Variants in SLC25A44 observed in about 807,000 individuals in gnomAD.
The protein encoded by SLC25A44 is solute carrier family 25, member 44.
A neutral mutation model predicts 29.9 loss-of-function variants in SLC25A44; 17 were observed. The observed-to-expected ratio is 0.57, with a 90% CI of 0.39 to 0.85. The LOEUF is 0.85. Among genes scored for constraint, SLC25A44 ranks in the 40% least tolerant of loss-of-function variants. The pLI is 0.00. For synonymous variants in SLC25A44, 140 were observed against 151.8 expected, an observed-to-expected ratio of 0.92 and a Z score of 0.57; for missense variants, 302 against 398.4, an observed-to-expected ratio of 0.76 and a Z score of 2.06.
At position 156,200,453 on chromosome 1, in the gene SLC25A44, C is replaced by G; in HGVS notation, c.606C>G (p.Pro202=). 6.2e-7 allele frequency: 1 copy of G among 1,608,500 alleles called. No homozygotes were observed. The highest frequency in any genetic ancestry group is 8.5e-7 in the Non-Finnish European group (1 of 1,177,276). ...TYIPNSAVWW[P]FYHFYAEQLS... is the part of the protein sequence containing the mutation. ...TCCCAAACAGTGCTGTCTGGTGGCC[C>G]TTCTATCACTTCTATGCAGGTAAGC... Residue 202 remains proline (P), a synonymous_variant, in exon 2 of 4, where the codon CCC becomes CCG. Transcript: ENST00000359511.
At chr1:156,201,113 A>T (rs1656551701) in intron 2 of SLC25A44, among the ~76,000 whole-genome samples, 1 of 151,948 alleles carries the variant, frequency 6.6e-6, no homozygotes. Flanking sequence ...GGATTACAGG[A>T]GTGAGACACC....
intron 2 of SLC25A44, among the ~76,000 whole-genome samples, chr1:156,207,164 T>C (rs1354654766): frequency 1.3e-5 from 2 of 150,288 alleles, no homozygotes; most frequent in African/African-American, 2.4e-5. Flanking sequence ...ATAGTGAGAC[T>C]CTCTATACAA....
chr1:156,205,137 G>A (rs892393635), intron 2 of SLC25A44, among the ~76,000 whole-genome samples: 6 of 151,592 alleles, frequency 4.0e-5, no homozygotes. Context: ...TCCACCTCCC[G>A]GGTTCAAGCG....
intron 2 of SLC25A44, among the ~76,000 whole-genome samples, chr1:156,207,423 C>T (rs111714999): frequency 1.0e-3 from 158 of 152,302 alleles, no homozygotes; most frequent in Non-Finnish European, 2.0e-3. Context: ...TCATGATCTG[C>T]CCGCCTTGGC....
At position 156,210,520 on chromosome 1, in the gene SLC25A44, CA is replaced by C; in HGVS notation, c.*90del. The C allele has an allele frequency of 1.1e-6, 1 of 945,240 alleles. No homozygotes were observed. 58.6% of individuals were successfully genotyped at this position (945,240 alleles called of 1,614,324 possible). On this transcript the variant is annotated 3_prime_UTR_variant, in exon 4 of 4. Transcript: ENST00000359511. ...GGACAGCACCCTCTCCAGGTGCTCC[CA>C]CCACACACCCAGCCCTGCCCTGGGC...
At position 156,212,534 on chromosome 1, in the gene SLC25A44, G is replaced by A. The variant is rs1324897609; in HGVS notation, c.*2103G>A. 1 of 157,510 alleles carries A rather than the reference G, an allele frequency of 6.3e-6. No homozygotes were observed. The highest frequency in any genetic ancestry group is 2.4e-5 in the African/African-American group (1 of 41,466). 9.8% of individuals were successfully genotyped at this position (157,510 alleles called of 1,614,324 possible). A position where few individuals can be genotyped will look rare whatever the true frequency, so the allele number is the denominator to read the frequency against. On this transcript the variant is annotated 3_prime_UTR_variant, in exon 4 of 4. Coordinates refer to ENST00000359511, the MANE Select transcript of SLC25A44 (RefSeq NM_014655.4). Reference sequence around the variant, plus strand: ...CCTAATTCTTTAGGGACTGGGATTGGGTTTGACTGAAATATGTTTTGGTGG... The same window carrying A: ...CCTAATTCTTTAGGGACTGGGATTGAGTTTGACTGAAATATGTTTTGGTGG...
chr1:156,203,829 G>A (rs768590790), intron 2 of SLC25A44, among the ~76,000 whole-genome samples: 5 of 148,674 alleles, frequency 3.4e-5, no homozygotes, highest in East Asian at 2.0e-4. Context: ...TCAGCCTCCC[G>A]AGTAGCTGGG....
chr1:156,200,079 C>T lies in SLC25A44; in HGVS notation c.232C>T (p.Leu78=). The change falls in exon 2 of 4, where the codon CTG becomes TTG. Residue 78 remains leucine (L), a synonymous_variant. Transcript: ENST00000359511. ...TATCACTGGCCTCTACCGAGGGTTCCTGGTCAATACCTTCACCCTCATCTC... is the reference window on the plus strand; with the variant it reads ...TATCACTGGCCTCTACCGAGGGTTCTTGGTCAATACCTTCACCCTCATCTC... ...DGITGLYRGF[L]VNTFTLISGQ... is the part of the protein sequence containing the mutation. The T allele has an allele frequency of 6.2e-7, 1 of 1,614,176 alleles. No individual in the cohort carries two copies. Among genetic ancestry groups the T allele is most frequent in the Non-Finnish European group, 8.5e-7 (1 of 1,180,028 alleles).
Position 156,211,121 on chromosome 1 carries a change from G to A in SLC25A44, c.*690G>A, listed in dbSNP as rs969887357. ...GTGTGTTTTAACATCTGTGAACCAG[G>A]CTATTAGTCCTGCTAAAGCGCCAAT... is the stretch of plus-strand genomic sequence containing the variant. On this transcript the variant is annotated 3_prime_UTR_variant, in exon 4 of 4. Transcript: ENST00000359511. 14 of 143,990 alleles carry A rather than the reference G, an allele frequency of 9.7e-5. No homozygotes were observed. Among genetic ancestry groups the A allele is most frequent in the African/African-American group, 3.6e-4 (14 of 38,532 alleles). 8.9% of individuals were successfully genotyped at this position (143,990 alleles called of 1,614,324 possible).
chr1:156,207,178 A>AT (rs566114688), intron 2 of SLC25A44, among the ~76,000 whole-genome samples: 2,173 of 136,060 alleles, frequency 0.016, 62 homozygotes, highest in African/African-American at 0.051. Context: ...TATACAAAAC[A>AT]TTTTTTTTTT....
rs968954342 is a variant in SLC25A44 at position 156,194,729 on chromosome 1, T to C, written c.-14+482T>C. Among the ~76,000 whole-genome samples the C allele has an allele frequency of 2.0e-5, 3 of 152,176 alleles. No homozygotes were observed. The South Asian group carries it at 6.2e-4, about 31-fold the overall frequency. Reference sequence around the variant, plus strand: ...GCATGTACATATATTCACGTTCATGTGGTAGATAGCTCCCAGGATGCAGAT... The same window carrying C: ...GCATGTACATATATTCACGTTCATGCGGTAGATAGCTCCCAGGATGCAGAT... On this transcript the variant is annotated intron_variant, in intron 1 of 3. Transcript: ENST00000359511.
chr1:156,205,545 C>T (rs1480352907), intron 2 of SLC25A44, among the ~76,000 whole-genome samples: 1 of 152,178 alleles, frequency 6.6e-6, no homozygotes, highest in Non-Finnish European at 1.5e-5. Context: ...AAAGCTCTGT[C>T]TACAGATCCA....
chr1:156,207,841 G>A (rs1355173094), intron 2 of SLC25A44, 45 bp from the exon 3 acceptor site: 6 of 1,610,210 alleles, frequency 3.7e-6, no homozygotes, highest in Non-Finnish European at 3.4e-6. Flanking sequence ...AGGGCAGACC[G>A]GTGGTGCTTT....
chr1:156,196,030 G>T (rs770764620), intron 1 of SLC25A44, among the ~76,000 whole-genome samples: 3 of 152,200 alleles, frequency 2.0e-5, no homozygotes, highest in Non-Finnish European at 4.4e-5. Context: ...GAGGAAGCAC[G>T]TCAACATTTG....
At chr1:156,207,217 G>A (rs932375194) in intron 2 of SLC25A44, among the ~76,000 whole-genome samples, 3 of 146,820 alleles carry the variant, frequency 2.0e-5, no homozygotes, top group African/African-American at 2.5e-5. Flanking sequence ...TTGCTCTGTC[G>A]CCCAGGCTGG....
In SLC25A44 at chr1:156,200,151, G is replaced by T. The variant is rs1455808471; in HGVS notation, c.304G>T (p.Ala102Ser). Residue 102 changes from alanine (A) to serine (S), a missense_variant, in exon 2 of 4, where the codon GCT becomes TCT. Coordinates refer to ENST00000359511, the MANE Select transcript of SLC25A44 (RefSeq NM_014655.4). ...TTATGAGCTCACCCGGAAGTTTGTA[G>T]CTGACTACAGCCAGAGTAACACAGT... ...TTYELTRKFVADYSQSNTVKS... is the reference protein window; with the variant it reads ...TTYELTRKFVSDYSQSNTVKS... 6.2e-7 allele frequency: 1 copy of T among 1,614,178 alleles called. No individual in the cohort carries two copies. The highest frequency in any genetic ancestry group is 1.3e-5 in the African/African-American group (1 of 75,038).
intron 1 of SLC25A44, among the ~76,000 whole-genome samples, chr1:156,195,102 CTA>C (rs943306056): frequency 6.7e-6 from 1 of 148,734 alleles, no homozygotes; most frequent in Non-Finnish European, 1.5e-5. Context: ...TACTACAGCT[CTA>C]TTTTTTTTTT....
At chr1:156,208,104 G>A in intron 3 of SLC25A44, 91 bp downstream of exon 3, 2 of 1,135,716 alleles carry the variant, frequency 1.8e-6, no homozygotes, top group Non-Finnish European at 2.6e-6. Context: ...ACCTCTTTGT[G>A]TCCTGGCCCT....
rs140016645 is a variant in SLC25A44 at position 156,210,322 on chromosome 1, C to T, written c.836C>T (p.Ser279Leu). 8.2e-5 allele frequency: 131 copies of T among 1,606,934 alleles called. No individual in the cohort carries two copies. The highest frequency in any genetic ancestry group is 1.0e-4 in the Non-Finnish European group (122 of 1,176,742). The change falls in exon 4 of 4, where the codon TCG becomes TTG. Residue 279 changes from serine to leucine, a missense_variant. Physicochemically the swap from Ser to Leu is moderately radical, Grantham distance 145. Coordinates refer to ENST00000359511, the MANE Select transcript of SLC25A44 (RefSeq NM_014655.4). ...EGPWGLMKGL[S>L]ARIISATPST... ...CCTTGGGGCCTCATGAAGGGCCTCT[C>T]GGCCAGAATCATCTCAGCCACACCT...
Sources: gnomAD v4.1 joint callset for allele counts (sites outside exome capture counted in the v4.1 genomes callset) on GRCh38, gnomAD v4.1.1 for gene constraint, MANE v1.5 for transcripts, NCBI Gene and HGNC (gene_info 2026-07-23, HGNC 2026-07-21) for gene names.